NCKAP5L: variants seen among roughly 807,000 people sequenced by gnomAD.
The protein encoded by NCKAP5L is NCK associated protein 5 like.
NCKAP5L carries 54 observed loss-of-function variants against 103.2 expected under a neutral mutation model. The ratio of observed to expected loss-of-function variants is 0.52; its 90% CI spans 0.42 to 0.66. The LOEUF is 0.66. Ranked by LOEUF, NCKAP5L falls within the 30% of genes least tolerant of loss-of-function variation. The pLI is 0.00. For synonymous variants in NCKAP5L, 762 were observed against 748.6 expected (o/e 1.02, Z -0.29); for missense variants, 1,733 against 1,750.6 (o/e 0.99, Z 0.18).
intron 1 of NCKAP5L, among the ~76,000 whole-genome samples, chr12:49,807,497 C>T (rs1366573603): frequency 6.6e-6 from 1 of 152,148 alleles, no homozygotes; most frequent in Admixed American, 6.5e-5. Flanking sequence ...GTCACTGTGC[C>T]TGGCCTCTAA....
intron 1 of NCKAP5L, among the ~76,000 whole-genome samples, chr12:49,826,313 G>C (rs1377257125): frequency 2.0e-5 from 3 of 152,126 alleles, no homozygotes; most frequent in Non-Finnish European, 4.4e-5. Flanking sequence ...CTGGCCCTTG[G>C]CTGCCTCCTC....
chr12:49,803,049 A>T, intron 4 of NCKAP5L, 48 bp downstream of exon 4: 1 of 1,614,194 alleles, frequency 6.2e-7, no homozygotes, highest in South Asian at 1.1e-5. Flanking sequence ...AGCTTCTGCC[A>T]GGAGCAGATG....
chr12:49,797,354 G>A lies in NCKAP5L; in HGVS notation c.506C>T (p.Pro169Leu), dbSNP rs775383994. 1.2e-6 allele frequency: 2 copies of A among 1,610,836 alleles called. No homozygotes were observed. The highest frequency in any genetic ancestry group is 1.1e-5 in the South Asian group (1 of 90,820). ...EQQLRPGGPG[P>L]PAAPPPALDA... is the part of the protein sequence containing the mutation. Reference sequence around the variant, plus strand: ...CAGCGCTGGGGGTGGGGCGGCTGGGGGGCCTGGGCCTCCTGGCCTCAGCTG... The same window carrying A: ...CAGCGCTGGGGGTGGGGCGGCTGGGAGGCCTGGGCCTCCTGGCCTCAGCTG... Residue 169 changes from proline to leucine, a missense_variant, in exon 8 of 13, where the codon CCC (proline) becomes CTC (leucine). Pro to Leu is a moderately conservative substitution (Grantham distance 98). Coordinates refer to ENST00000335999, the MANE Select transcript of NCKAP5L (RefSeq NM_001037806.4). This position sits in a 1 kb window ranked among gnomAD's most constrained non-coding sequence, Gnocchi z 4.5.
intron 1 of NCKAP5L, among the ~76,000 whole-genome samples, chr12:49,823,019 G>A (rs1290343831): frequency 6.7e-6 from 1 of 150,352 alleles, no homozygotes; most frequent in African/African-American, 2.5e-5. Context: ...TCAGATGAAT[G>A]TGGGGGCTCC....
Position 49,793,425 on chromosome 12 carries a change from G to C in NCKAP5L, c.3267C>G (p.Ser1089Arg). The change falls in exon 10 of 13, where the codon AGC becomes AGG. Residue 1089 changes from serine to arginine, a missense_variant. Ser to Arg is a moderately radical substitution (Grantham distance 110). Transcript: ENST00000335999. ...GCGKPPGKPS[S>R]EPGRREEMPS... is the part of the protein sequence containing the mutation. Reference sequence around the variant, plus strand: ...GCATCTCTTCCCGCCTCCCTGGCTCGCTGCTCGGCTGTGTGGGATACAGGA... The same window carrying C: ...GCATCTCTTCCCGCCTCCCTGGCTCCCTGCTCGGCTGTGTGGGATACAGGA... 1 of 1,609,300 alleles carries C rather than the reference G, an allele frequency of 6.2e-7. No homozygotes were observed. Among genetic ancestry groups the C allele is most frequent in the Non-Finnish European group, 8.5e-7 (1 of 1,179,744 alleles).
rs1271676990 is a variant in NCKAP5L at position 49,794,994 on chromosome 12, T to C, written c.2866A>G (p.Met956Val). Residue 956 changes from methionine (M) to valine (V), a missense_variant, in exon 8 of 13, where the codon ATG becomes GTG. Met to Val is a conservative substitution (Grantham distance 21, BLOSUM62 1). Coordinates refer to ENST00000335999, the MANE Select transcript of NCKAP5L (RefSeq NM_001037806.4). ...GGSPLRREVK[M>V]EARKLEAESL... ...TCGGCCTCCAGCTTCCGGGCTTCCA[T>C]CTTGACTTCCCTCCGGAGCGGGGAG... is the stretch of plus-strand genomic sequence containing the variant. 1.9e-6 allele frequency: 3 copies of C among 1,596,972 alleles called. 1 individual carries two copies. The Admixed American group carries it at 5.3e-5, about 28-fold the overall frequency.
At chr12:49,807,513 A>G (rs539324930) in intron 1 of NCKAP5L, among the ~76,000 whole-genome samples, 107 of 152,272 alleles carry the variant, frequency 7.0e-4, no homozygotes, top group African/African-American at 2.6e-3. Flanking sequence ...TCTAATGCTT[A>G]TTGTTAATAC....
At chr12:49,808,516 G>A (rs1348882140) in intron 1 of NCKAP5L, among the ~76,000 whole-genome samples, 1 of 152,190 alleles carries the variant, frequency 6.6e-6, no homozygotes. Flanking sequence ...GATTTCTAAA[G>A]AAAACTTCCT....
At chr12:49,826,415 CCCAAGGCA>C (rs924723802) in intron 1 of NCKAP5L, among the ~76,000 whole-genome samples, 2 of 152,180 alleles carry the variant, frequency 1.3e-5, no homozygotes, top group Admixed American at 1.3e-4. Context: ...GAGTTCATAT[CCCAAGGCA>C]CCAGGGGTGT....
intron 1 of NCKAP5L, 105 bp from the exon 2 acceptor site, chr12:49,806,146 T>C (rs1946177577): frequency 6.6e-6 from 1 of 152,286 alleles, no homozygotes; most frequent in Admixed American, 6.5e-5. Context: ...CCAGCCGCTA[T>C]GATGCTTCCA....
chr12:49,813,343 T>C (rs11169162), intron 1 of NCKAP5L, among the ~76,000 whole-genome samples: 58,257 of 151,998 alleles, frequency 0.38, 11,556 homozygotes, highest in South Asian at 0.46. Flanking sequence ...ACCCAGTAAG[T>C]GTGAAGTGAG....
intron 3 of NCKAP5L, among the ~76,000 whole-genome samples, chr12:49,803,462 C>T (rs1220776566): frequency 6.6e-6 from 1 of 152,122 alleles, no homozygotes; most frequent in African/African-American, 2.4e-5. Flanking sequence ...CCACAGTAAC[C>T]CTTATTTCCC....
intron 1 of NCKAP5L, among the ~76,000 whole-genome samples, chr12:49,827,571 G>A (rs372938470): frequency 1.3e-5 from 2 of 152,222 alleles, no homozygotes; most frequent in Admixed American, 6.5e-5. Flanking sequence ...CCAGGGAAGC[G>A]TCGGGCACAG....
At position 49,796,895 on chromosome 12, in the gene NCKAP5L, G is replaced by C. The variant is rs779142470; in HGVS notation, c.965C>G (p.Ala322Gly). ...CTGGCCCAGGTTCAACTGTCTGCGG[G>C]CCAGGGCACCGAGCAGGGTGTCGGG... The part of the protein sequence containing the change: ...PSPDTLLGAL[A>G]RRQLNLGQLL... The change falls in exon 8 of 13, where the codon GCC becomes GGC. Residue 322 changes from alanine to glycine, a missense_variant. By Grantham distance (60) the Ala-to-Gly change is moderately conservative. Coordinates refer to ENST00000335999, the MANE Select transcript of NCKAP5L (RefSeq NM_001037806.4). 6.2e-7 allele frequency: 1 copy of C among 1,611,382 alleles called. No individual in the cohort carries two copies. The highest frequency in any genetic ancestry group is 1.3e-5 in the African/African-American group (1 of 75,026).
At chr12:49,801,710 T>C in intron 6 of NCKAP5L, 138 bp downstream of exon 6, 1 of 1,092,532 alleles carries the variant, frequency 9.2e-7, no homozygotes. Flanking sequence ...ACTTGGGTAG[T>C]TTCCATACCC....
intron 1 of NCKAP5L, among the ~76,000 whole-genome samples, chr12:49,823,684 A>C (rs1254828432): frequency 1.3e-5 from 2 of 151,608 alleles, no homozygotes; most frequent in Non-Finnish European, 2.9e-5. Flanking sequence ...GAGAATTCCC[A>C]GAGTTCAAGG....
chr12:49,819,002 G>A (rs1194188841), intron 1 of NCKAP5L, among the ~76,000 whole-genome samples: 1 of 139,736 alleles, frequency 7.2e-6, no homozygotes, highest in Non-Finnish European at 1.5e-5. Flanking sequence ...TTCAAGACCA[G>A]CCTAGACAAC....
intron 1 of NCKAP5L, among the ~76,000 whole-genome samples, chr12:49,820,338 A>G (rs772795771): frequency 1.4e-4 from 14 of 101,036 alleles, no homozygotes; most frequent in Non-Finnish European, 1.5e-4. Flanking sequence ...TTTTTTTGAG[A>G]TGGAGTTTTG....
At chr12:49,805,115 C>A (rs1438304580) in intron 2 of NCKAP5L, 1 of 152,408 alleles carries the variant, frequency 6.6e-6, no homozygotes, top group East Asian at 1.9e-4. Context: ...CCGCTCCTTT[C>A]GACTTGGCCA....
Sources: gnomAD v4.1 joint callset for allele counts (sites outside exome capture counted in the v4.1 genomes callset) on GRCh38, gnomAD v4.1.1 for gene constraint, Gnocchi (gnomAD v3.1) non-coding constraint, MANE v1.5 for transcripts, NCBI Gene and HGNC (gene_info 2026-07-23, HGNC 2026-07-21) for gene names.